FSTL5: variants seen among roughly 807,000 people sequenced by gnomAD.
The protein encoded by FSTL5 is follistatin-related protein 5.
Under a neutral mutation model 89.1 loss-of-function variants are expected in FSTL5, and 62 were observed. The ratio of observed to expected loss-of-function variants is 0.70; its 90% CI spans 0.57 to 0.86. The LOEUF (loss-of-function observed/expected upper bound fraction) is 0.86. Among genes scored for constraint, FSTL5 ranks in the 40% least tolerant of loss-of-function variants. The pLI is 0.00. For synonymous variants in FSTL5, 383 were observed against 346.2 expected (o/e 1.11, Z -1.18); for missense variants, 1,057 against 1,001.6 (o/e 1.06, Z -0.75).
At chr4:161,843,025 A>T (rs1731259695) in intron 4 of FSTL5, among the ~76,000 whole-genome samples, 1 of 152,156 alleles carries the variant, frequency 6.6e-6, no homozygotes, top group Non-Finnish European at 1.5e-5. Context: ...AAAATTGTTA[A>T]GCTGTTGCAA....
intron 4 of FSTL5, among the ~76,000 whole-genome samples, chr4:161,911,377 T>A (rs1733687360): frequency 6.6e-6 from 1 of 152,144 alleles, no homozygotes; most frequent in African/African-American, 2.4e-5. Context: ...ATTGAAGACT[T>A]TATTTCATCT....
chr4:161,667,520 T>G (rs112814910), intron 6 of FSTL5, among the ~76,000 whole-genome samples: 108 of 152,166 alleles, frequency 7.1e-4, no homozygotes, highest in African/African-American at 2.5e-3. Flanking sequence ...AGTAAGGTAT[T>G]GACATTGCAA....
rs1011564226 is a variant in FSTL5, at chr4:161,933,837, A to G, written c.161-13185T>C. On this transcript the variant is annotated intron_variant, in intron 3 of 15. Transcript: ENST00000306100. ...AACTTACTATGTCTCCTTTTAGCTG[A>G]TTTTTAAATTATTATTTACCACATA... Among the ~76,000 whole-genome samples the G allele has an allele frequency of 2.6e-5, 4 of 151,966 alleles. No individual in the cohort carries two copies. In the East Asian group the frequency reaches 7.9e-4, roughly 30 times the overall value.
intron 7 of FSTL5, among the ~76,000 whole-genome samples, chr4:161,598,357 A>T (rs1734106293): frequency 6.7e-6 from 1 of 148,552 alleles, no homozygotes; most frequent in African/African-American, 2.5e-5. Flanking sequence ...CCTCAGTGAC[A>T]GAGTGAGACC....
intron 12 of FSTL5, among the ~76,000 whole-genome samples, chr4:161,483,657 T>C (rs1729591130): frequency 6.6e-6 from 1 of 152,202 alleles, no homozygotes; most frequent in Non-Finnish European, 1.5e-5. Context: ...ACAATAGCAC[T>C]CTTTTATTTT....
intron 10 of FSTL5, among the ~76,000 whole-genome samples, chr4:161,512,527 G>T (rs1417465251): frequency 2.0e-5 from 3 of 151,954 alleles, no homozygotes; most frequent in African/African-American, 7.2e-5. Context: ...AAATGAGTAA[G>T]AATAAATGAA....
chr4:161,697,131 C>T (rs1017085034), intron 6 of FSTL5, among the ~76,000 whole-genome samples: 1 of 152,190 alleles, frequency 6.6e-6, no homozygotes, highest in Non-Finnish European at 1.5e-5. Flanking sequence ...TGCTGTTGCC[C>T]ACCTAGGCAT....
At chr4:161,523,135 A>C (rs148399320) in intron 10 of FSTL5, among the ~76,000 whole-genome samples, 1 of 152,194 alleles carries the variant, frequency 6.6e-6, no homozygotes, top group South Asian at 2.1e-4. Flanking sequence ...AGCTTAATAT[A>C]CAAAAGCAAA....
intron 6 of FSTL5, among the ~76,000 whole-genome samples, chr4:161,673,517 A>C (rs1379290978): frequency 6.6e-6 from 1 of 152,056 alleles, no homozygotes; most frequent in East Asian, 1.9e-4. Context: ...CAAAAATCTA[A>C]ACTAATTATA....
chr4:161,423,155 CA>C (rs1732045841), intron 15 of FSTL5, among the ~76,000 whole-genome samples: 1 of 152,084 alleles, frequency 6.6e-6, no homozygotes, highest in East Asian at 1.9e-4. Context: ...ATTTCAAAGC[CA>C]TATGGGACAA....
chr4:161,876,069 T>G (rs957243979), intron 4 of FSTL5, among the ~76,000 whole-genome samples: 16 of 152,210 alleles, frequency 1.1e-4, no homozygotes, highest in Admixed American at 5.2e-4. Flanking sequence ...GATATAAAAT[T>G]TGTTATACAT....
chr4:161,496,747 C>T lies in FSTL5; in HGVS notation c.1458+3269G>A, dbSNP rs143879264. On this transcript the variant is annotated intron_variant, in intron 12 of 15. Transcript: ENST00000306100. ...CACCTGCAGTTGTGTGAGCCGATTC[C>T]TTAAAATAAAACTCTCTATATAGGA... Among the ~76,000 whole-genome samples the T allele has an allele frequency of 4.0e-3, 596 of 149,982 alleles. 10 individuals are homozygous for T. Among genetic ancestry groups the T allele is most frequent in the African/African-American group, 0.014 (578 of 40,934 alleles).
chr4:162,108,057 AT>A (rs542726937), intron 2 of FSTL5, among the ~76,000 whole-genome samples: 97 of 152,252 alleles, frequency 6.4e-4, no homozygotes, highest in African/African-American at 1.9e-3. Flanking sequence ...TGGTAATTGT[AT>A]TTTACAAATC....
chr4:161,491,510 T>C (rs1729871831), intron 12 of FSTL5, among the ~76,000 whole-genome samples: 1 of 151,916 alleles, frequency 6.6e-6, no homozygotes, highest in African/African-American at 2.4e-5. Context: ...ATAGAACTGA[T>C]CGCTTCTTTT....
chr4:161,541,452 T>G (rs1392697320), intron 9 of FSTL5, among the ~76,000 whole-genome samples: 1 of 151,086 alleles, frequency 6.6e-6, no homozygotes, highest in Non-Finnish European at 1.5e-5. Flanking sequence ...TGTTAATAAG[T>G]CTTCTCCTCT....
chr4:161,913,449 A>C lies in FSTL5; in HGVS notation c.409+6955T>G, dbSNP rs529873533. ...TTGGGCTGTGCCTTCAGAGGGTAGAAGCCCCAAGCCCTGGCAGCTTCCATG... is the reference window on the plus strand; with the variant it reads ...TTGGGCTGTGCCTTCAGAGGGTAGACGCCCCAAGCCCTGGCAGCTTCCATG... On this transcript the variant is annotated intron_variant, in intron 4 of 15. Transcript: ENST00000306100. Among the ~76,000 whole-genome samples, 4 of 152,296 alleles carry C rather than the reference A, an allele frequency of 2.6e-5. No individual in the cohort carries two copies. The South Asian group carries it at 8.3e-4, about 32-fold the overall frequency.
At chr4:161,910,063 C>T (rs1353770597) in intron 4 of FSTL5, among the ~76,000 whole-genome samples, 5 of 152,142 alleles carry the variant, frequency 3.3e-5, no homozygotes, top group Admixed American at 2.0e-4. Context: ...TAGCCTTAAA[C>T]TTTCCAAATC....
chr4:161,659,837 T>A (rs1489229991), intron 6 of FSTL5, among the ~76,000 whole-genome samples: 1 of 152,192 alleles, frequency 6.6e-6, no homozygotes, highest in Admixed American at 6.5e-5. Flanking sequence ...TAATAATGAC[T>A]TGTTTCATTT....
chr4:162,135,519 T>C (rs1441475660), intron 1 of FSTL5, among the ~76,000 whole-genome samples: 1 of 152,090 alleles, frequency 6.6e-6, no homozygotes, highest in Non-Finnish European at 1.5e-5. Context: ...GCCTTACCAT[T>C]CAATCAATTT....
Sources: allele counts gnomAD v4.1 joint callset (sites outside exome capture counted in the v4.1 genomes callset), GRCh38; gene constraint gnomAD v4.1.1; transcripts MANE v1.5; gene names NCBI Gene and HGNC (gene_info 2026-07-23, HGNC 2026-07-21).